DDX52: variants seen among roughly 807,000 people sequenced by gnomAD.
The protein encoded by DDX52 is DExD-box helicase 52.
A neutral mutation model predicts 76.1 loss-of-function variants in DDX52; 59 were observed. The ratio of observed to expected loss-of-function variants is 0.78; its 90% CI spans 0.63 to 0.96. The LOEUF is 0.96. DDX52 is among the 40% of genes least tolerant of loss of function. The pLI, the probability that DDX52 is intolerant of heterozygous loss-of-function variation, is 0.00. For synonymous variants in DDX52, 231 were observed against 244.1 expected, an observed-to-expected ratio of 0.95 and a Z score of 0.50; for missense variants, 707 against 703.9, an observed-to-expected ratio of 1.00 and a Z score of -0.05.
At chr17:37,618,603 TC>T (rs2147337141) in intron 13 of DDX52, among the ~76,000 whole-genome samples, 1 of 152,258 alleles carries the variant, frequency 6.6e-6, no homozygotes, top group East Asian at 1.9e-4. Flanking sequence ...TGCCTCAGCT[TC>T]CCAAGTAGCT....
At chr17:37,623,591 G>A (rs2030211787) in intron 9 of DDX52, among the ~76,000 whole-genome samples, 1 of 151,968 alleles carries the variant, frequency 6.6e-6, no homozygotes, top group Non-Finnish European at 1.5e-5. Flanking sequence ...CCTCTTAAGG[G>A]TTTACTCAAG....
chr17:37,630,062 T>C lies in DDX52; in HGVS notation c.715A>G (p.Ile239Val). The stretch of plus-strand genomic sequence containing the variant: ...GCAAGTTCTCGTGTTGGTGATATAA[T>C]CAGGGCTCTGAAGCCTTTATTTGCG... ...QPANKGFRALIISPTRELASQ... is the reference protein window; with the variant it reads ...QPANKGFRALVISPTRELASQ... Residue 239 changes from isoleucine (I) to valine (V), a missense_variant, in exon 5 of 15, where the codon ATT (isoleucine) becomes GTT (valine). Ile to Val is a conservative substitution (Grantham distance 29, BLOSUM62 3). Coordinates refer to ENST00000617633, the MANE Select transcript of DDX52 (RefSeq NM_007010.5). 3.7e-6 allele frequency: 6 copies of C among 1,613,728 alleles called. No individual in the cohort carries two copies. Among genetic ancestry groups the C allele is most frequent in the Non-Finnish European group, 5.1e-6 (6 of 1,179,914 alleles).
intron 4 of DDX52, chr17:37,631,029 C>T (rs2030657238): frequency 6.6e-6 from 1 of 152,184 alleles, no homozygotes; most frequent in East Asian, 1.9e-4. Flanking sequence ...CATAAGTCAA[C>T]AGCATCATTT....
chr17:37,617,281 A>G (rs916512778), intron 14 of DDX52, among the ~76,000 whole-genome samples: 1 of 152,252 alleles, frequency 6.6e-6, no homozygotes, highest in African/African-American at 2.4e-5. Context: ...CAATGGTAAT[A>G]TCCTAGGCCA....
At chr17:37,638,887 A>G (rs1022708622) in intron 2 of DDX52, among the ~76,000 whole-genome samples, 2 of 151,150 alleles carry the variant, frequency 1.3e-5, no homozygotes, top group Non-Finnish European at 2.9e-5. Flanking sequence ...TTCCTGCCTC[A>G]GCCTCCCAAA....
chr17:37,621,071 G>A (rs2030059646), intron 11 of DDX52, 56 bp downstream of exon 11: 1 of 1,563,390 alleles, frequency 6.4e-7, no homozygotes, highest in Non-Finnish European at 8.6e-7. Flanking sequence ...GGAATAGCAG[G>A]GGTCCTAAGA....
rs1011608242 is a variant in DDX52 at position 37,613,725 on chromosome 17, T to C, written c.*571A>G. ...TCTTGGTAGACAGCTCATGCTACCA[T>C]CCACAAAGTGAGCAGTGGAAGGGGT... is the stretch of plus-strand genomic sequence containing the variant. On this transcript the variant is annotated 3_prime_UTR_variant, in exon 15 of 15. Coordinates refer to ENST00000617633, the MANE Select transcript of DDX52 (RefSeq NM_007010.5). 6.6e-6 allele frequency: 1 copy of C among 152,620 alleles called. No individual in the cohort carries two copies. The highest frequency in any genetic ancestry group is 2.4e-5 in the African/African-American group (1 of 41,442). The allele number at this position is 152,620 out of a possible 1,614,324, so 9.5% of individuals were successfully genotyped here. A position where few individuals can be genotyped will look rare whatever the true frequency, so the allele number is the denominator to read the frequency against.
rs1016374926 is a variant in DDX52, at chr17:37,613,116, G to A, written c.*1180C>T. ...AAATAAGTTGAATTCAAATGCTGCTGAGAAAAGGCAATGTATATTATAGTT... is the reference window on the plus strand; with the variant it reads ...AAATAAGTTGAATTCAAATGCTGCTAAGAAAAGGCAATGTATATTATAGTT... On this transcript the variant is annotated 3_prime_UTR_variant, in exon 15 of 15. Coordinates refer to ENST00000617633, the MANE Select transcript of DDX52 (RefSeq NM_007010.5). 8 of 152,204 alleles carry A rather than the reference G, an allele frequency of 5.3e-5. No individual in the cohort carries two copies. The highest frequency in any genetic ancestry group is 8.8e-5 in the Non-Finnish European group (6 of 68,030). The allele number at this position is 152,204 out of a possible 1,614,324, so 9.4% of individuals were successfully genotyped here.
In DDX52 at chr17:37,610,978, T is replaced by C. The variant is rs2064337727; in HGVS notation, c.*3318A>G. 2 of 152,254 alleles carry C rather than the reference T, an allele frequency of 1.3e-5. No individual in the cohort carries two copies. 9.4% of individuals were successfully genotyped at this position (152,254 alleles called of 1,614,324 possible). On this transcript the variant is annotated 3_prime_UTR_variant, in exon 15 of 15. Coordinates refer to ENST00000617633, the MANE Select transcript of DDX52 (RefSeq NM_007010.5). ...AGTTGATACAGGTTACTGTAGATAC[T>C]TTAAACAGACACAATAAAGTCAAGG...
intron 5 of DDX52, among the ~76,000 whole-genome samples, 165 bp from the exon 6 acceptor site, chr17:37,628,837 A>G (rs1477879219): frequency 1.3e-5 from 2 of 152,192 alleles, no homozygotes; most frequent in Non-Finnish European, 2.9e-5. Flanking sequence ...TTGAAACTTC[A>G]ATGCCTAATA....
chr17:37,628,227 G>A (rs555656957), intron 6 of DDX52, among the ~76,000 whole-genome samples: 12 of 152,174 alleles, frequency 7.9e-5, no homozygotes, highest in East Asian at 3.9e-4. Context: ...CCTGTGCACC[G>A]CAGAATGTTT....
rs1473878932 is a variant in DDX52, at chr17:37,609,985, G to C, written c.*4311C>G. Reference sequence around the variant, plus strand: ...ACCCATATTTCGAAAAAACTCCAAGGTGTACTACTCTTGTTTGGTTCTGCC... The same window carrying C: ...ACCCATATTTCGAAAAAACTCCAAGCTGTACTACTCTTGTTTGGTTCTGCC... On this transcript the variant is annotated 3_prime_UTR_variant, in exon 15 of 15. Coordinates refer to ENST00000617633, the MANE Select transcript of DDX52 (RefSeq NM_007010.5). The C allele has an allele frequency of 6.6e-6, 1 of 150,792 alleles. No individual in the cohort carries two copies. The highest frequency in any genetic ancestry group is 1.5e-5 in the Non-Finnish European group (1 of 68,046). The allele number at this position is 150,792 out of a possible 1,614,324, so 9.3% of individuals were successfully genotyped here. A position where few individuals can be genotyped will look rare whatever the true frequency, so the allele number is the denominator to read the frequency against.
rs541288867 is a variant in DDX52, at chr17:37,620,815, C to T, written c.1577+58G>A. On this transcript the variant is annotated intron_variant, in intron 12 of 14. Transcript: ENST00000617633. ...TGTAATTATCTCTTAATTGAATATA[C>T]ATATAAGAATAATGAAGCAATTTTG... 2.5e-5 allele frequency: 37 copies of T among 1,464,014 alleles called. 1 individual carries two copies. In the South Asian group the frequency reaches 4.3e-4, roughly 17 times the overall value. The allele number at this position is 1,464,014 out of a possible 1,614,324, so 90.7% of individuals were successfully genotyped here.
At chr17:37,615,432 T>C (rs1421016407) in intron 14 of DDX52, among the ~76,000 whole-genome samples, 2 of 151,942 alleles carry the variant, frequency 1.3e-5, no homozygotes, top group Non-Finnish European at 2.9e-5. Context: ...AATCCCACCA[T>C]GTTGGGAGGC....
intron 3 of DDX52, 101 bp downstream of exon 3, chr17:37,633,187 C>A: frequency 7.9e-7 from 1 of 1,271,202 alleles, no homozygotes; most frequent in Non-Finnish European, 1.0e-6. Flanking sequence ...TCTATCTTAA[C>A]AAAACTATAT....
At chr17:37,623,399 T>A (rs538672474) in intron 9 of DDX52, among the ~76,000 whole-genome samples, 1 of 152,270 alleles carries the variant, frequency 6.6e-6, no homozygotes, top group African/African-American at 2.4e-5. Context: ...CACTCCAGCC[T>A]GGGTGAAAGA....
Position 37,610,730 on chromosome 17 carries a change from G to C in DDX52, c.*3566C>G, listed in dbSNP as rs1390872463. The C allele has an allele frequency of 6.6e-6, 1 of 152,196 alleles. No individual in the cohort carries two copies. Among genetic ancestry groups the C allele is most frequent in the African/African-American group, 2.4e-5 (1 of 41,446 alleles). 9.4% of individuals were successfully genotyped at this position (152,196 alleles called of 1,614,324 possible). A position where few individuals can be genotyped will look rare whatever the true frequency, so the allele number is the denominator to read the frequency against. On this transcript the variant is annotated 3_prime_UTR_variant, in exon 15 of 15. Coordinates refer to ENST00000617633, the MANE Select transcript of DDX52 (RefSeq NM_007010.5). ...TACTGTCATTTGTCCAGATCATACAGCTACAAGCAATGAGGATCAGGATTC... is the reference window on the plus strand; with the variant it reads ...TACTGTCATTTGTCCAGATCATACACCTACAAGCAATGAGGATCAGGATTC...
chr17:37,625,644 C>G (rs1278646572), intron 8 of DDX52, among the ~76,000 whole-genome samples: 1 of 152,058 alleles, frequency 6.6e-6, no homozygotes, highest in African/African-American at 2.4e-5. Context: ...TCATGTTATA[C>G]TCTGTGGATG....
At chr17:37,629,722 T>C (rs1179506164) in intron 5 of DDX52, among the ~76,000 whole-genome samples, 3 of 151,974 alleles carry the variant, frequency 2.0e-5, no homozygotes, top group African/African-American at 7.3e-5. Context: ...TGAGTATTCA[T>C]TTTTTTTAGA....
Sources: gnomAD v4.1 joint callset for allele counts (sites outside exome capture counted in the v4.1 genomes callset) on GRCh38, gnomAD v4.1.1 for gene constraint, MANE v1.5 for transcripts, NCBI Gene and HGNC (gene_info 2026-07-23, HGNC 2026-07-21) for gene names.